Variants in PXDNL observed in about 807,000 individuals in gnomAD.
PXDNL encodes the protein peroxidasin like, also known as probable oxidoreductase PXDNL.
A neutral mutation model predicts 150.8 loss-of-function variants in PXDNL; 145 were observed. That is an observed-to-expected ratio of 0.96 (90% CI 0.84 to 1.10). The LOEUF is 1.10. Ranked by LOEUF, PXDNL falls within the 50% of genes least tolerant of loss-of-function variation. PXDNL has a pLI of 0.00. For synonymous variants in PXDNL, 757 were observed against 725.7 expected, an observed-to-expected ratio of 1.04 and a Z score of -0.69; for missense variants, 2,087 against 1,873.9, an observed-to-expected ratio of 1.11 and a Z score of -2.10.
At chr8:51,466,426 A>G (rs1344897618) in intron 8 of PXDNL, among the ~76,000 whole-genome samples, 1 of 152,116 alleles carries the variant, frequency 6.6e-6, no homozygotes. Context: ...TAAATATAAG[A>G]CCTCAAACTG....
chr8:51,444,451 AAG>A (rs1158914525), intron 12 of PXDNL, among the ~76,000 whole-genome samples: 1 of 152,210 alleles, frequency 6.6e-6, no homozygotes, highest in African/African-American at 2.4e-5. Flanking sequence ...AATGAGACAG[AAG>A]TGATATTAAA....
chr8:51,642,717 A>T (rs184914135), intron 2 of PXDNL, among the ~76,000 whole-genome samples: 133 of 152,312 alleles, frequency 8.7e-4, no homozygotes, highest in Non-Finnish European at 1.1e-3. Context: ...GAAGGAAATA[A>T]AGGGTATTCA....
intron 1 of PXDNL, among the ~76,000 whole-genome samples, chr8:51,705,236 C>T (rs936796940): frequency 2.6e-5 from 4 of 152,176 alleles, no homozygotes; most frequent in Admixed American, 2.6e-4. Context: ...TGCCCCAGGA[C>T]TCAGTCACTT....
chr8:51,526,347 C>T lies in PXDNL; in HGVS notation c.381-26577G>A, dbSNP rs544138808. Among the ~76,000 whole-genome samples the T allele has an allele frequency of 3.0e-3, 407 of 134,008 alleles. 5 individuals carry two copies. Among genetic ancestry groups the T allele is most frequent in the African/African-American group, 0.01 (349 of 34,692 alleles). The allele number at this position is 134,008 out of a possible 152,430, so 87.9% of individuals were successfully genotyped here. A position where few individuals can be genotyped will look rare whatever the true frequency, so the allele number is the denominator to read the frequency against. ...CTAAGTAGCTGATCTGTTTTTTTTT[C>T]TTTTTTTTTTAAATTTCATTTTGTG... On this transcript the variant is annotated intron_variant, in intron 4 of 22. Coordinates refer to ENST00000356297, the MANE Select transcript of PXDNL (RefSeq NM_144651.5).
chr8:51,598,662 T>A (rs926742914), intron 2 of PXDNL, among the ~76,000 whole-genome samples: 1 of 152,146 alleles, frequency 6.6e-6, no homozygotes. Flanking sequence ...TTGAGGAATT[T>A]TATATCTATG....
chr8:51,629,962 A>G (rs1814457419), intron 2 of PXDNL, among the ~76,000 whole-genome samples: 1 of 152,184 alleles, frequency 6.6e-6, no homozygotes, highest in South Asian at 2.1e-4. Context: ...GGAACCAAAA[A>G]AAAACCCATA....
chr8:51,540,858 T>C (rs114736696), intron 4 of PXDNL, among the ~76,000 whole-genome samples: 2,671 of 152,292 alleles, frequency 0.018, 84 homozygotes, highest in African/African-American at 0.06. Context: ...GCACCTTGTA[T>C]TTTGTAACTC....
intron 19 of PXDNL, among the ~76,000 whole-genome samples, chr8:51,356,304 C>A (rs991656733): frequency 2.0e-5 from 3 of 152,098 alleles, no homozygotes; most frequent in Non-Finnish European, 2.9e-5. Context: ...GCCTGGCCAA[C>A]ATGGTGAAAC....
chr8:51,627,869 C>T (rs997825959), intron 2 of PXDNL, among the ~76,000 whole-genome samples: 1 of 152,110 alleles, frequency 6.6e-6, no homozygotes, highest in Non-Finnish European at 1.5e-5. Flanking sequence ...TTTGTCCATT[C>T]GAACCTGTCT....
intron 1 of PXDNL, among the ~76,000 whole-genome samples, chr8:51,679,500 G>A (rs941160871): frequency 6.6e-6 from 1 of 152,182 alleles, no homozygotes; most frequent in Non-Finnish European, 1.5e-5. Context: ...CAGGGGTGGA[G>A]AATATAGAGA....
At chr8:51,338,182 CAAAAAAAA>C (rs757946882) in intron 21 of PXDNL, among the ~76,000 whole-genome samples, 15 of 90,048 alleles carry the variant, frequency 1.7e-4, no homozygotes, top group East Asian at 5.0e-4. Context: ...GACTCCATCT[CAAAAAAAA>C]AAAAAAAAAA....
chr8:51,643,483 C>T (rs1007394271), intron 2 of PXDNL, among the ~76,000 whole-genome samples: 56 of 152,262 alleles, frequency 3.7e-4, no homozygotes, highest in African/African-American at 9.4e-4. Context: ...GAAAACTGGC[C>T]TGCCATATGT....
At chr8:51,480,701 T>C (rs1259229689) in intron 6 of PXDNL, among the ~76,000 whole-genome samples, 3 of 152,022 alleles carry the variant, frequency 2.0e-5, no homozygotes, top group Admixed American at 6.6e-5. Flanking sequence ...ATCATGGGGG[T>C]GGTTTCCCCC....
intron 1 of PXDNL, among the ~76,000 whole-genome samples, chr8:51,781,094 T>C (rs1427833943): frequency 6.6e-6 from 1 of 152,204 alleles, no homozygotes; most frequent in Non-Finnish European, 1.5e-5. Flanking sequence ...GTTAGGATTT[T>C]AACACATGAA....
chr8:51,604,797 A>G (rs1311258586), intron 2 of PXDNL, among the ~76,000 whole-genome samples: 1 of 152,200 alleles, frequency 6.6e-6, no homozygotes, highest in Non-Finnish European at 1.5e-5. Flanking sequence ...ATACATCCAA[A>G]CACACATGCA....
chr8:51,458,747 G>A (rs550644965), intron 8 of PXDNL, among the ~76,000 whole-genome samples: 132 of 152,164 alleles, frequency 8.7e-4, no homozygotes, highest in Non-Finnish European at 1.7e-3. Context: ...TCCCACATAG[G>A]TAAAAACAGT....
intron 17 of PXDNL, among the ~76,000 whole-genome samples, chr8:51,399,832 TA>T (rs1409382903): frequency 6.6e-6 from 1 of 152,254 alleles, no homozygotes; most frequent in African/African-American, 2.4e-5. Flanking sequence ...ACTCTGGTGG[TA>T]AAATAGAATT....
chr8:51,752,979 T>C (rs991408151), intron 1 of PXDNL, among the ~76,000 whole-genome samples: 2 of 152,228 alleles, frequency 1.3e-5, no homozygotes, highest in East Asian at 1.9e-4. Flanking sequence ...GCCAGAATCC[T>C]GGGGAAAGGC....
intron 8 of PXDNL, among the ~76,000 whole-genome samples, chr8:51,465,214 T>A (rs559215599): frequency 6.6e-6 from 1 of 152,266 alleles, no homozygotes; most frequent in East Asian, 1.9e-4. Context: ...CATGACCAAG[T>A]AGGCTTTATT....
Sources: gnomAD v4.1 joint callset for allele counts (sites outside exome capture counted in the v4.1 genomes callset) on GRCh38, gnomAD v4.1.1 for gene constraint, MANE v1.5 for transcripts, NCBI Gene and HGNC (gene_info 2026-07-23, HGNC 2026-07-21) for gene names.